RASEF: variants seen among roughly 807,000 people sequenced by gnomAD.
The protein encoded by RASEF is ras and EF-hand domain-containing protein.
Under a neutral mutation model 90.1 loss-of-function variants are expected in RASEF, and 68 were observed. That is an observed-to-expected ratio of 0.75 (90% CI 0.62 to 0.92). RASEF has a LOEUF of 0.92. RASEF is among the 40% of genes least tolerant of loss of function. The pLI, the probability that RASEF is intolerant of heterozygous loss-of-function variation, is 0.00. For missense variants in RASEF, 949 were observed against 937.2 expected (o/e 1.01, Z -0.16); for synonymous variants, 331 against 345.2 (o/e 0.96, Z 0.46).
the RASEF span, among the ~76,000 whole-genome samples, chr9:83,122,011 G>C: frequency 5.5e-3 from 845 of 152,278 alleles, 8 homozygotes; most frequent in African/African-American, 0.019. Flanking sequence ...AATTAATGCA[G>C]ATACAGTATT....
chr9:83,168,304 G>A, the RASEF span, among the ~76,000 whole-genome samples: 5 of 152,086 alleles, frequency 3.3e-5, 1 homozygote, highest in Non-Finnish European at 7.4e-5. Flanking sequence ...TGTGTCTTCT[G>A]TGGAGCAATG....
intron 2 of RASEF, among the ~76,000 whole-genome samples, chr9:83,025,518 T>C (rs1829527984): frequency 6.6e-6 from 1 of 152,218 alleles, no homozygotes; most frequent in African/African-American, 2.4e-5. Context: ...GGATGTAAGA[T>C]AAATCTCTTA....
chr9:83,022,124 T>A (rs931274843), intron 3 of RASEF, among the ~76,000 whole-genome samples: 2 of 152,142 alleles, frequency 1.3e-5, no homozygotes, highest in Non-Finnish European at 1.5e-5. Context: ...CTTGTCACTA[T>A]CTGAACTTAT....
At chr9:82,998,544 C>A in intron 12 of RASEF, 98 bp from the exon 13 acceptor site, 1 of 753,666 alleles carries the variant, frequency 1.3e-6, no homozygotes, top group Non-Finnish European at 2.3e-6. Context: ...CAATAATACA[C>A]AGCTCAGCCA....
chr9:83,062,700 G>A lies in RASEF; in HGVS notation c.168C>T (p.Ala56=). 6.4e-7 allele frequency: 1 copy of A among 1,574,608 alleles called. No individual in the cohort carries two copies. The highest frequency in any genetic ancestry group is 1.1e-5 in the South Asian group (1 of 87,704). The change falls in exon 1 of 17, where the codon GCC becomes GCT. Residue 56 remains alanine (A), a synonymous_variant. Coordinates refer to ENST00000376447, the MANE Select transcript of RASEF (RefSeq NM_152573.4). ...GGAAGGTGATGGCGCCGTCACGGTC[G>A]GCGTCCAGCCGCTGGAATACTGCCT... ...DAEAVFQRLD[A]DRDGAITFQE...
At chr9:83,009,511 A>G (rs1240677370) in intron 6 of RASEF, 130 bp downstream of exon 6, 7 of 512,012 alleles carry the variant, frequency 1.4e-5, no homozygotes, top group Non-Finnish European at 2.1e-5. Context: ...CTGAAAATAA[A>G]ATCATTAGAA....
the RASEF span, among the ~76,000 whole-genome samples, chr9:83,195,717 G>T: frequency 6.6e-6 from 1 of 152,194 alleles, no homozygotes; most frequent in African/African-American, 2.4e-5. Flanking sequence ...AGGCAGGGCA[G>T]GTTGGCTCGG....
At chr9:83,055,441 G>C (rs2117884728) in intron 1 of RASEF, 1 of 631,170 alleles carries the variant, frequency 1.6e-6, no homozygotes, top group East Asian at 3.0e-5. Context: ...TGCGCCCACT[G>C]TCTCGCACTC....
chr9:83,204,594 A>G, the RASEF span, among the ~76,000 whole-genome samples: 1 of 152,228 alleles, frequency 6.6e-6, no homozygotes, highest in Admixed American at 6.5e-5. Flanking sequence ...ATTGGACGAA[A>G]TAAGAAAAAT....
At chr9:83,092,246 A>C in the RASEF span, among the ~76,000 whole-genome samples, 2 of 152,044 alleles carry the variant, frequency 1.3e-5, no homozygotes, top group African/African-American at 2.4e-5. Flanking sequence ...TGTCCCTCCA[A>C]ATTCCAGATA....
At chr9:83,102,371 CA>C in the RASEF span, among the ~76,000 whole-genome samples, 2 of 152,130 alleles carry the variant, frequency 1.3e-5, no homozygotes, top group African/African-American at 2.4e-5. Context: ...AGAGCAGAAA[CA>C]AAAAGGCAAA....
chr9:83,094,184 T>G, the RASEF span, among the ~76,000 whole-genome samples: 1 of 146,078 alleles, frequency 6.8e-6, no homozygotes, highest in Admixed American at 6.7e-5. Flanking sequence ...TCCTATAGTT[T>G]ATACTTGCAC....
chr9:83,042,184 A>C (rs1829855681), intron 1 of RASEF, among the ~76,000 whole-genome samples: 2 of 152,276 alleles, frequency 1.3e-5, no homozygotes, highest in South Asian at 4.1e-4. Context: ...ATGAATACAA[A>C]AGCTACTAAA....
At chr9:83,174,826 C>T in the RASEF span, among the ~76,000 whole-genome samples, 1 of 152,044 alleles carries the variant, frequency 6.6e-6, no homozygotes, top group Non-Finnish European at 1.5e-5. Flanking sequence ...TAACAGTCTA[C>T]TTTGCATTTA....
the RASEF span, among the ~76,000 whole-genome samples, chr9:83,183,069 G>A: frequency 6.6e-6 from 1 of 152,102 alleles, no homozygotes; most frequent in African/African-American, 2.4e-5. Context: ...TAACAGAAAT[G>A]TTCTATATTT....
At chr9:83,009,938 G>A (rs1331658661) in intron 5 of RASEF, among the ~76,000 whole-genome samples, 182 bp from the exon 6 acceptor site, 1 of 152,052 alleles carries the variant, frequency 6.6e-6, no homozygotes, top group Non-Finnish European at 1.5e-5. Flanking sequence ...AATTAATAAA[G>A]TGTCAAAAAT....
Position 83,012,504 on chromosome 9 carries a change from T to G in RASEF, c.773A>C (p.Glu258Ala), listed in dbSNP as rs777498298. Residue 258 changes from glutamate (E) to alanine (A), a missense_variant, in exon 5 of 17, where the codon GAA becomes GCA. By Grantham distance (107) the Glu-to-Ala change is moderately radical. Coordinates refer to ENST00000376447, the MANE Select transcript of RASEF (RefSeq NM_152573.4). ...VTIKKLRKLE[E>A]QSKRVSQKED... ...CTTTTGACTTACGCGTTTTGATTGT[T>G]CTTCGAGCTGAAAGACCAAATAAAA... 11 of 1,583,644 alleles carry G rather than the reference T, an allele frequency of 6.9e-6. No homozygotes were observed. The highest frequency in any genetic ancestry group is 9.4e-6 in the Non-Finnish European group (11 of 1,164,516).
the RASEF span, among the ~76,000 whole-genome samples, chr9:83,133,969 G>A: frequency 6.6e-6 from 1 of 152,060 alleles, no homozygotes; most frequent in Admixed American, 6.6e-5. Flanking sequence ...CTTACATAGA[G>A]ATCACACTTA....
rs948754509 is a variant in RASEF, at chr9:83,040,861, T to TTA, written c.432-14942_432-14941dup. Among the ~76,000 whole-genome samples the TTA allele has an allele frequency of 7.2e-5, 11 of 152,248 alleles. No homozygotes were observed. The East Asian group carries it at 7.7e-4, about 11-fold the overall frequency. On this transcript the variant is annotated intron_variant, in intron 1 of 16. Transcript: ENST00000376447. ...CCTGCTTTGGCCTTTTTATTTTATT[T>TTA]TATATATATATTTTTTGAGACAGAG...
Sources: gnomAD v4.1 joint callset for allele counts (sites outside exome capture counted in the v4.1 genomes callset) on GRCh38, gnomAD v4.1.1 for gene constraint, MANE v1.5 for transcripts, NCBI Gene and HGNC (gene_info 2026-07-23, HGNC 2026-07-21) for gene names.